TMPRSS15: variants seen among roughly 807,000 people sequenced by gnomAD.
TMPRSS15 encodes the protein transmembrane serine protease 15.
Under a neutral mutation model 125.3 loss-of-function variants are expected in TMPRSS15, and 128 were observed. The observed-to-expected ratio is 1.02, with a 90% confidence interval of 0.89 to 1.18. The LOEUF (loss-of-function observed/expected upper bound fraction) is 1.18, where lower values mean the gene tolerates loss of function less well. Among genes scored for constraint, TMPRSS15 ranks in the 50% most tolerant of loss-of-function variants. The pLI, the probability that TMPRSS15 is intolerant of heterozygous loss-of-function variation, is 0.00. For missense variants in TMPRSS15, 1,283 were observed against 1,212.7 expected (o/e 1.06, Z -0.86); for synonymous variants, 446 against 423.2 (o/e 1.05, Z -0.66).
intron 1 of TMPRSS15, among the ~76,000 whole-genome samples, chr21:18,427,916 T>G (rs2076206984): frequency 6.6e-6 from 1 of 152,198 alleles, no homozygotes; most frequent in Non-Finnish European, 1.5e-5. Context: ...GAGGAATAAC[T>G]TATGATTCAT....
At chr21:18,430,987 G>T (rs2076215578) in intron 1 of TMPRSS15, among the ~76,000 whole-genome samples, 1 of 152,172 alleles carries the variant, frequency 6.6e-6, no homozygotes, top group African/African-American at 2.4e-5. Context: ...TGCTTAGCAT[G>T]TACAGTCTTA....
intron 8 of TMPRSS15, among the ~76,000 whole-genome samples, chr21:18,354,787 A>G (rs2075608060): frequency 1.3e-5 from 2 of 151,814 alleles, no homozygotes; most frequent in South Asian, 4.1e-4. Flanking sequence ...ATGCATTAGC[A>G]TTTTAGTTTG....
At chr21:18,429,389 G>A (rs2076211458) in intron 1 of TMPRSS15, among the ~76,000 whole-genome samples, 1 of 152,124 alleles carries the variant, frequency 6.6e-6, no homozygotes, top group Non-Finnish European at 1.5e-5. Context: ...ATTTGGAGGG[G>A]CCAGGGTGGA....
At chr21:18,349,637 G>A (rs1405833528) in intron 10 of TMPRSS15, among the ~76,000 whole-genome samples, 1 of 152,136 alleles carries the variant, frequency 6.6e-6, no homozygotes, top group African/African-American at 2.4e-5. Context: ...CTTTGGAGAG[G>A]AATGACTGGT....
intron 1 of TMPRSS15, among the ~76,000 whole-genome samples, chr21:18,446,986 T>C (rs2076257075): frequency 6.6e-6 from 1 of 151,990 alleles, no homozygotes; most frequent in Admixed American, 6.6e-5. Flanking sequence ...TAAGCAAGAG[T>C]GAAGACACAA....
chr21:18,401,511 A>T (rs1487045825), intron 1 of TMPRSS15, among the ~76,000 whole-genome samples: 1 of 152,180 alleles, frequency 6.6e-6, no homozygotes, highest in Non-Finnish European at 1.5e-5. Flanking sequence ...GTTCTCAAGC[A>T]TAAGTGGGAG....
intron 21 of TMPRSS15, among the ~76,000 whole-genome samples, chr21:18,284,622 G>A (rs1411387982): frequency 6.6e-6 from 1 of 152,178 alleles, no homozygotes. Context: ...AGTAAAGGAA[G>A]GAAGAGCTAT....
intron 1 of TMPRSS15, among the ~76,000 whole-genome samples, chr21:18,457,971 AC>A (rs1978474595): frequency 1.3e-5 from 2 of 152,142 alleles, no homozygotes; most frequent in Non-Finnish European, 2.9e-5. Context: ...CCGTTGTTAT[AC>A]CCTTTAGTAA....
At chr21:18,322,440 G>A (rs2075248372) in intron 16 of TMPRSS15, among the ~76,000 whole-genome samples, 1 of 152,144 alleles carries the variant, frequency 6.6e-6, no homozygotes, top group Admixed American at 6.5e-5. Flanking sequence ...GTTTACTGCA[G>A]CACTATTCTT....
chr21:18,413,312 T>TTCCTTCC (rs1555911459), intron 1 of TMPRSS15, among the ~76,000 whole-genome samples: 5 of 94,798 alleles, frequency 5.3e-5, no homozygotes, highest in Admixed American at 2.3e-4. Flanking sequence ...TTTTCTTTCT[T>TTCCTTCC]TTCCTTCCTT....
chr21:18,448,401 C>G (rs1470508342), intron 1 of TMPRSS15, among the ~76,000 whole-genome samples: 4 of 152,118 alleles, frequency 2.6e-5, no homozygotes, highest in African/African-American at 7.2e-5. Flanking sequence ...GCTTTGGGAA[C>G]ATGGGCTAAC....
chr21:18,458,042 G>T (rs1169612186), intron 1 of TMPRSS15, among the ~76,000 whole-genome samples: 2 of 152,154 alleles, frequency 1.3e-5, no homozygotes, highest in Non-Finnish European at 1.5e-5. Context: ...GGAGGTTAGT[G>T]TAAGTGTGCT....
chr21:18,470,448 G>A (rs1256034969), intron 1 of TMPRSS15, among the ~76,000 whole-genome samples: 1 of 152,012 alleles, frequency 6.6e-6, no homozygotes, highest in Admixed American at 6.6e-5. Context: ...ATGACACGAA[G>A]AACTCTTACC....
intron 18 of TMPRSS15, among the ~76,000 whole-genome samples, chr21:18,303,274 T>C (rs999751069): frequency 1.4e-4 from 21 of 151,972 alleles, no homozygotes; most frequent in Admixed American, 7.9e-4. Flanking sequence ...TATATAGACC[T>C]CAGTTCCTTT....
intron 18 of TMPRSS15, among the ~76,000 whole-genome samples, chr21:18,303,901 G>A (rs559153840): frequency 5.3e-4 from 80 of 152,178 alleles, no homozygotes; most frequent in Non-Finnish European, 9.8e-4. Context: ...TCCCTGAATG[G>A]TGGTGGTGCA....
At chr21:18,415,123 T>C (rs991562872) in intron 1 of TMPRSS15, among the ~76,000 whole-genome samples, 1 of 152,146 alleles carries the variant, frequency 6.6e-6, no homozygotes, top group Non-Finnish European at 1.5e-5. Context: ...TTTTGAGCAC[T>C]TTTTTACACA....
At position 18,416,985 on chromosome 21, in the gene TMPRSS15, C is replaced by T. The variant is rs73893098; in HGVS notation, c.11-18656G>A. Among the ~76,000 whole-genome samples the T allele has an allele frequency of 3.0e-3, 454 of 152,098 alleles. 1 individual carries two copies. The highest frequency in any genetic ancestry group is 0.01 in the African/African-American group (436 of 41,538). On this transcript the variant is annotated intron_variant, in intron 1 of 7. Coordinates refer to the TMPRSS15 transcript ENST00000422787. Reference sequence around the variant, plus strand: ...CATAAAGATAGTGGTAAATTAAGCACGTCAACTTACATTTTGACTAATAAT... The same window carrying T: ...CATAAAGATAGTGGTAAATTAAGCATGTCAACTTACATTTTGACTAATAAT...
At chr21:18,317,267 C>T (rs188546198) in intron 16 of TMPRSS15, among the ~76,000 whole-genome samples, 12 of 152,114 alleles carry the variant, frequency 7.9e-5, no homozygotes, top group Admixed American at 6.5e-4. Flanking sequence ...CTGAAAAATA[C>T]CATTACACTT....
chr21:18,455,165 T>G (rs998762060), intron 1 of TMPRSS15, among the ~76,000 whole-genome samples: 1 of 152,134 alleles, frequency 6.6e-6, no homozygotes, highest in African/African-American at 2.4e-5. Flanking sequence ...CCTTCCACCA[T>G]GATTGTAAGT....
Sources: allele counts gnomAD v4.1 joint callset (sites outside exome capture counted in the v4.1 genomes callset), GRCh38; gene constraint gnomAD v4.1.1; transcripts MANE v1.5; gene names NCBI Gene and HGNC (gene_info 2026-07-23, HGNC 2026-07-21).